Variants in IGF1R observed in about 807,000 individuals in gnomAD.
The protein encoded by IGF1R is insulin like growth factor 1 receptor, also known as insulin-like growth factor 1 receptor.
A neutral mutation model predicts 144.6 loss-of-function variants in IGF1R; 44 were observed. The ratio of observed to expected loss-of-function variants is 0.30; its 90% CI spans 0.24 to 0.39. The LOEUF (loss-of-function observed/expected upper bound fraction) is 0.39, where lower values mean the gene tolerates loss of function less well. IGF1R is among the 10% of genes least tolerant of loss of function. The probability of loss-of-function intolerance (pLI) is 1.00; values close to 1 mark genes in which losing one functional copy is unlikely to be tolerated. For missense variants in IGF1R, 1,355 were observed against 1,833.7 expected (o/e 0.74, Z 4.77); for synonymous variants, 795 against 722.8 (o/e 1.10, Z -1.60).
intron 1 of IGF1R, among the ~76,000 whole-genome samples, chr15:98,661,947 A>G (rs2052609025): frequency 7.4e-6 from 1 of 135,346 alleles, no homozygotes. Context: ...CTGCCAGTTG[A>G]ATAGGGCCCT....
rs1755692668 is a variant in IGF1R, at chr15:98,649,618, C to T, written c.37C>T (p.Leu13=). Residue 13 remains leucine, a synonymous_variant, in exon 1 of 21, where the codon CTG becomes TTG. Coordinates refer to ENST00000650285, the MANE Select transcript of IGF1R (RefSeq NM_000875.5). ...CTCCGGAGGAGGGTCCCCGACCTCG[C>T]TGTGGGGGCTCCTGTTTCTCTCCGC... ...SGSGGGSPTS[L]WGLLFLSAAL... 2 of 1,607,666 alleles carry T rather than the reference C, an allele frequency of 1.2e-6. No homozygotes were observed. Among genetic ancestry groups the T allele is most frequent in the Admixed American group, 1.7e-5 (1 of 59,370 alleles).
intron 2 of IGF1R, among the ~76,000 whole-genome samples, chr15:98,737,707 T>C (rs550611038): frequency 5.6e-4 from 86 of 152,338 alleles, no homozygotes; most frequent in African/African-American, 1.9e-3. Context: ...AAGCTTTTTT[T>C]CATCATGTAT....
chr15:98,763,590 C>T (rs1388878632), intron 2 of IGF1R, among the ~76,000 whole-genome samples: 1 of 152,004 alleles, frequency 6.6e-6, no homozygotes, highest in African/African-American at 2.4e-5. Context: ...CAGGTAGCAT[C>T]CACAGAACCC....
chr15:98,667,491 A>T (rs1348205975), intron 1 of IGF1R, among the ~76,000 whole-genome samples: 1 of 152,190 alleles, frequency 6.6e-6, no homozygotes, highest in Non-Finnish European at 1.5e-5. Context: ...GCTTGGAGGG[A>T]CGCGCTGCTA....
intron 1 of IGF1R, among the ~76,000 whole-genome samples, chr15:98,692,402 T>C (rs2053498672): frequency 6.6e-6 from 1 of 152,168 alleles, no homozygotes; most frequent in South Asian, 2.1e-4. Flanking sequence ...TGCAGTGGTG[T>C]CATCATCATA....
At chr15:98,785,732 G>C (rs1380936344) in intron 2 of IGF1R, among the ~76,000 whole-genome samples, 2 of 152,114 alleles carry the variant, frequency 1.3e-5, no homozygotes, top group African/African-American at 4.8e-5. Flanking sequence ...ATATTCTCTA[G>C]CCTGTATTAT....
At chr15:98,941,083 G>C (rs529495592) in intron 18 of IGF1R, among the ~76,000 whole-genome samples, 1 of 152,338 alleles carries the variant, frequency 6.6e-6, no homozygotes, top group African/African-American at 2.4e-5. Flanking sequence ...GGGGGAGCCA[G>C]GTGGGCCTGA....
At chr15:98,907,549 A>AG (rs2014793300) in intron 5 of IGF1R, among the ~76,000 whole-genome samples, 1 of 152,252 alleles carries the variant, frequency 6.6e-6, no homozygotes, top group Admixed American at 6.5e-5. Context: ...GAAGAGGAGA[A>AG]GAAGGATTCA....
chr15:98,649,769 C>T, intron 1 of IGF1R, 94 bp downstream of exon 1: 3 of 942,926 alleles, frequency 3.2e-6, no homozygotes, highest in Non-Finnish European at 1.7e-6. Flanking sequence ...ACCGTCGCAG[C>T]TGTCGGGCCC....
chr15:98,920,837 G>C (rs1410738243), intron 10 of IGF1R, among the ~76,000 whole-genome samples: 6 of 152,156 alleles, frequency 3.9e-5, no homozygotes, highest in African/African-American at 1.4e-4. Flanking sequence ...GGAATCCATG[G>C]GCTGAGAAGA....
At position 98,867,687 on chromosome 15, in the gene IGF1R, C is replaced by T. The variant is rs77735962; in HGVS notation, c.641-23638C>T. Among the ~76,000 whole-genome samples the T allele has an allele frequency of 9.9e-3, 1,501 of 152,256 alleles. 18 individuals are homozygous for T. Among genetic ancestry groups the T allele is most frequent in the African/African-American group, 0.034 (1,408 of 41,522 alleles). On this transcript the variant is annotated intron_variant, in intron 2 of 20. Coordinates refer to ENST00000650285, the MANE Select transcript of IGF1R (RefSeq NM_000875.5). ...ACAATTGCCTGACATGCCTTACAAA[C>T]GGGTAGACCAAGTGTTAAATGAACA...
intron 1 of IGF1R, among the ~76,000 whole-genome samples, chr15:98,695,783 TC>T (rs972337239): frequency 3.9e-5 from 6 of 152,186 alleles, no homozygotes; most frequent in African/African-American, 1.4e-4. Context: ...GTTCTCTGTT[TC>T]TCTCCTCCAG....
At chr15:98,759,739 A>G (rs2055246158) in intron 2 of IGF1R, among the ~76,000 whole-genome samples, 1 of 152,208 alleles carries the variant, frequency 6.6e-6, no homozygotes, top group Non-Finnish European at 1.5e-5. Context: ...TTCATGGGGC[A>G]CATAGTTGGC....
At chr15:98,905,647 G>C (rs2014695648) in intron 5 of IGF1R, among the ~76,000 whole-genome samples, 1 of 150,176 alleles carries the variant, frequency 6.7e-6, no homozygotes, top group Admixed American at 6.6e-5. Context: ...CTGGATTACA[G>C]AGTGAGACCC....
In IGF1R at chr15:98,899,624, A is replaced by G. The variant is rs55895813; in HGVS notation, c.1247+3A>G. 6.0e-4 allele frequency: 969 copies of G among 1,613,964 alleles called. 1 individual carries two copies. The highest frequency in any genetic ancestry group is 1.5e-3 in the South Asian group (136 of 91,072). On this transcript the variant is annotated splice_donor_region_variant and intron_variant, in intron 5 of 20. Transcript: ENST00000650285. ...CTAGGAGAGGAGCAGCTAGAAGGGT[A>G]AGTGCCCCAAATTTCATGAGCTGAC... is the stretch of plus-strand genomic sequence containing the variant.
intron 10 of IGF1R, among the ~76,000 whole-genome samples, chr15:98,921,257 C>A (rs551731625): frequency 6.6e-5 from 10 of 152,286 alleles, no homozygotes. Context: ...CATTAGAATT[C>A]TGTTTTAAGG....
At chr15:98,910,388 A>G (rs991472423) in intron 6 of IGF1R, among the ~76,000 whole-genome samples, 4 of 152,298 alleles carry the variant, frequency 2.6e-5, no homozygotes, top group Non-Finnish European at 5.9e-5. Context: ...TCTCTAAATA[A>G]CACTTCAGCA....
chr15:98,747,385 A>T (rs2054895203), intron 2 of IGF1R, among the ~76,000 whole-genome samples: 1 of 151,980 alleles, frequency 6.6e-6, no homozygotes, highest in African/African-American at 2.4e-5. Flanking sequence ...TTTAGTAGAG[A>T]CAGGGTTTCA....
intron 1 of IGF1R, among the ~76,000 whole-genome samples, chr15:98,706,978 C>T (rs769667113): frequency 6.6e-6 from 1 of 152,124 alleles, no homozygotes; most frequent in African/African-American, 2.4e-5. Context: ...CATTAATGCA[C>T]GTGTGGAGAG....
Sources: gnomAD v4.1 joint callset for allele counts (sites outside exome capture counted in the v4.1 genomes callset) on GRCh38, gnomAD v4.1.1 for gene constraint, MANE v1.5 for transcripts, NCBI Gene and HGNC (gene_info 2026-07-23, HGNC 2026-07-21) for gene names.